VAPA: variants seen among roughly 807,000 people sequenced by gnomAD.
The protein encoded by VAPA is VAMP associated protein A, also known as vesicle-associated membrane protein-associated protein A.
VAPA carries 6 observed loss-of-function variants against 25.6 expected under a neutral mutation model. The ratio of observed to expected loss-of-function variants is 0.23; its 90% CI spans 0.13 to 0.46. VAPA has a LOEUF of 0.46. Ranked by LOEUF, VAPA falls within the 20% of genes least tolerant of loss-of-function variation. The pLI, the probability that VAPA is intolerant of heterozygous loss-of-function variation, is 0.99. For synonymous variants in VAPA, 112 were observed against 106.2 expected (o/e 1.05, Z -0.34); for missense variants, 244 against 302.1 (o/e 0.81, Z 1.43).
chr18:9,917,799 G>T (rs973144698), intron 1 of VAPA, among the ~76,000 whole-genome samples: 2 of 150,634 alleles, frequency 1.3e-5, no homozygotes, highest in African/African-American at 2.5e-5. Flanking sequence ...CATAGAAGCA[G>T]CACGGGGCGG....
At chr18:9,940,593 C>T (rs536877901) in intron 4 of VAPA, among the ~76,000 whole-genome samples, 8 of 152,140 alleles carry the variant, frequency 5.3e-5, no homozygotes, top group Non-Finnish European at 1.2e-4. Flanking sequence ...GTAATGATTG[C>T]ATTTTATGGT....
In VAPA at chr18:9,957,394, T is replaced by C. The variant is rs2069562490; in HGVS notation, c.*3183T>C. On this transcript the variant is annotated 3_prime_UTR_variant, in exon 6 of 6. Transcript: ENST00000400000. ...TATTATTTGGTATGGGAATTACTTTTGAACTGTAATCTTTCAGATTACACC... is the reference window on the plus strand; with the variant it reads ...TATTATTTGGTATGGGAATTACTTTCGAACTGTAATCTTTCAGATTACACC... 1 of 152,220 alleles carries C rather than the reference T, an allele frequency of 6.6e-6. No homozygotes were observed. The highest frequency in any genetic ancestry group is 1.9e-4 in the East Asian group (1 of 5,204). The allele number at this position is 152,220 out of a possible 1,614,324, so 9.4% of individuals were successfully genotyped here.
chr18:9,914,071 G>T lies in VAPA; in HGVS notation c.-186G>T. The T allele has an allele frequency of 5.7e-6, 3 of 526,060 alleles. No individual in the cohort carries two copies. Among genetic ancestry groups the T allele is most frequent in the Non-Finnish European group, 1.0e-5 (3 of 300,960 alleles). 32.6% of individuals were successfully genotyped at this position (526,060 alleles called of 1,614,324 possible). On this transcript the variant is annotated 5_prime_UTR_variant, in exon 1 of 6. Coordinates refer to ENST00000400000, the MANE Select transcript of VAPA (RefSeq NM_194434.3). ...CTGGTGTGGGGTTGAGTCAGTTGTG[G>T]GACCCGGAGCTGCTGACCCAGCGGG... is the stretch of plus-strand genomic sequence containing the variant.
intron 2 of VAPA, among the ~76,000 whole-genome samples, chr18:9,933,561 A>T (rs1567896000): frequency 6.6e-6 from 1 of 152,056 alleles, no homozygotes; most frequent in Non-Finnish European, 1.5e-5. Flanking sequence ...TTTTTGAGAC[A>T]GTGTCTTGCT....
chr18:9,953,479 C>G (rs1363727206), intron 5 of VAPA, among the ~76,000 whole-genome samples: 1 of 152,188 alleles, frequency 6.6e-6, no homozygotes, highest in Non-Finnish European at 1.5e-5. Flanking sequence ...TAAACTGTTT[C>G]CTTCCCCCAA....
chr18:9,943,431 C>T (rs142664560), intron 4 of VAPA, among the ~76,000 whole-genome samples: 86 of 152,292 alleles, frequency 5.6e-4, no homozygotes, highest in African/African-American at 1.7e-3. Context: ...CCCTAGTCCT[C>T]GGGATCAGCA....
At position 9,954,331 on chromosome 18, in the gene VAPA, G is replaced by A. The variant is rs1040676930; in HGVS notation, c.*120G>A. 1.4e-5 allele frequency: 12 copies of A among 841,234 alleles called. No homozygotes were observed. The highest frequency in any genetic ancestry group is 3.4e-4 in the Middle Eastern group (1 of 2,972). The allele number at this position is 841,234 out of a possible 1,614,324, so 52.1% of individuals were successfully genotyped here. A position where few individuals can be genotyped will look rare whatever the true frequency, so the allele number is the denominator to read the frequency against. On this transcript the variant is annotated 3_prime_UTR_variant, in exon 6 of 6. Transcript: ENST00000400000. ...GTGACCATTTTTTTGTGTGTACAGC[G>A]TCATATAGGCTTTGCCTTTAATGAT...
At chr18:9,954,007 G>A in intron 5 of VAPA, 46 bp from the exon 6 acceptor site, 1 of 1,608,380 alleles carries the variant, frequency 6.2e-7, no homozygotes, top group South Asian at 1.1e-5. Flanking sequence ...AGTCTCGTTA[G>A]TATGCTTGTT....
rs545460260 is a variant in VAPA at position 9,944,337 on chromosome 18, C to T, written c.418-6058C>T. Among the ~76,000 whole-genome samples, 6 of 152,156 alleles carry T rather than the reference C, an allele frequency of 3.9e-5. No homozygotes were observed. In the East Asian group the frequency reaches 1.2e-3, roughly 29 times the overall value. ...GTATCAGTAAGTATAATTAGGGAATCCCTTTCCCACCTGTTTGTATAATAC... is the reference window on the plus strand; with the variant it reads ...GTATCAGTAAGTATAATTAGGGAATTCCTTTCCCACCTGTTTGTATAATAC... On this transcript the variant is annotated intron_variant, in intron 4 of 5. Coordinates refer to ENST00000400000, the MANE Select transcript of VAPA (RefSeq NM_194434.3).
Position 9,951,697 on chromosome 18 carries a change from A to C in VAPA, c.591+1129A>C, listed in dbSNP as rs3025571. 6.4e-4 allele frequency among the ~76,000 whole-genome samples: 98 copies of C among 152,364 alleles called. 1 individual carries two copies. The highest frequency in any genetic ancestry group is 2.2e-3 in the African/African-American group (92 of 41,586). ...AGCTCTTTGCAGCAAAGTAGATGAT[A>C]CAAAAATGTATGTAACTAAAATAAG... On this transcript the variant is annotated intron_variant, in intron 5 of 5. Transcript: ENST00000400000.
intron 1 of VAPA, among the ~76,000 whole-genome samples, chr18:9,928,928 T>C (rs945343742): frequency 6.6e-6 from 1 of 152,166 alleles, no homozygotes; most frequent in Non-Finnish European, 1.5e-5. Context: ...CTTAACATTG[T>C]TAAAAGGGCA....
intron 4 of VAPA, among the ~76,000 whole-genome samples, chr18:9,944,183 A>AT (rs1480818252): frequency 3.3e-5 from 5 of 151,746 alleles, no homozygotes; most frequent in African/African-American, 7.3e-5. Flanking sequence ...AAAAATACTG[A>AT]TTTTTTTTAA....
intron 1 of VAPA, among the ~76,000 whole-genome samples, chr18:9,918,093 C>A (rs2069127265): frequency 6.6e-6 from 1 of 151,994 alleles, no homozygotes; most frequent in African/African-American, 2.4e-5. Context: ...ATACTTTCTT[C>A]CCTGAGAAAG....
At chr18:9,922,972 AAAAT>A (rs2143297684) in intron 1 of VAPA, among the ~76,000 whole-genome samples, 1 of 152,342 alleles carries the variant, frequency 6.6e-6, no homozygotes, top group African/African-American at 2.4e-5. Flanking sequence ...CACTTTATAA[AAAAT>A]AAATTCTGTA....
At chr18:9,937,126 T>G (rs1265811246) in intron 4 of VAPA, 60 bp downstream of exon 4, 8 of 1,442,036 alleles carry the variant, frequency 5.5e-6, no homozygotes, top group Non-Finnish European at 7.7e-6. Flanking sequence ...CTTTGATTAA[T>G]TTTGCTTTTA....
intron 4 of VAPA, among the ~76,000 whole-genome samples, chr18:9,941,114 C>T (rs1304824732): frequency 3.3e-5 from 5 of 151,734 alleles, no homozygotes; most frequent in East Asian, 1.9e-4. Flanking sequence ...ATATATTTAA[C>T]CCAGTATTTT....
At chr18:9,923,202 C>T (rs1400684819) in intron 1 of VAPA, among the ~76,000 whole-genome samples, 1 of 152,084 alleles carries the variant, frequency 6.6e-6, no homozygotes, top group Non-Finnish European at 1.5e-5. Flanking sequence ...TGATACTGTT[C>T]TGAAAATTCA....
At chr18:9,918,017 G>A (rs1407718775) in intron 1 of VAPA, among the ~76,000 whole-genome samples, 1 of 150,008 alleles carries the variant, frequency 6.7e-6, no homozygotes, top group Non-Finnish European at 1.5e-5. Flanking sequence ...TTTTTTTTCA[G>A]TAAGACATAC....
chr18:9,942,688 AG>A (rs1320567362), intron 4 of VAPA, among the ~76,000 whole-genome samples: 1 of 152,076 alleles, frequency 6.6e-6, no homozygotes, highest in African/African-American at 2.4e-5. Flanking sequence ...TGGAGGGCAA[AG>A]GGGGAGCAGA....
Sources: allele counts gnomAD v4.1 joint callset (sites outside exome capture counted in the v4.1 genomes callset), GRCh38; gene constraint gnomAD v4.1.1; transcripts MANE v1.5; gene names NCBI Gene and HGNC (gene_info 2026-07-23, HGNC 2026-07-21).